SORCS1: variants seen among roughly 807,000 people sequenced by gnomAD.
SORCS1 encodes the protein VPS10 domain-containing receptor SorCS1.
Under a neutral mutation model 146.1 loss-of-function variants are expected in SORCS1, and 60 were observed. The ratio of observed to expected loss-of-function variants is 0.41; its 90% CI spans 0.33 to 0.51. The LOEUF (loss-of-function observed/expected upper bound fraction) is 0.51. SORCS1 is among the 20% of genes least tolerant of loss of function. The probability of loss-of-function intolerance (pLI) is 0.21; values close to 1 mark genes in which losing one functional copy is unlikely to be tolerated. For missense variants in SORCS1, 1,352 were observed against 1,487.6 expected (o/e 0.91, Z 1.50); for synonymous variants, 637 against 584.0 (o/e 1.09, Z -1.31).
chr10:106,790,733 G>A (rs1380196240), intron 3 of SORCS1, among the ~76,000 whole-genome samples: 2 of 152,168 alleles, frequency 1.3e-5, no homozygotes, highest in African/African-American at 4.8e-5. Context: ...AAAGAATGAA[G>A]ACAAAGAGTG....
At chr10:106,934,100 CA>C (rs57432764) in intron 2 of SORCS1, among the ~76,000 whole-genome samples, 5,569 of 97,836 alleles carry the variant, frequency 0.057, 138 homozygotes, top group African/African-American at 0.14. Context: ...TCTCAAAAAA[CA>C]AAAAAAAAAA....
At chr10:106,677,990 T>A (rs534020215) in intron 12 of SORCS1, among the ~76,000 whole-genome samples, 61 of 152,328 alleles carry the variant, frequency 4.0e-4, no homozygotes, top group Non-Finnish European at 7.5e-4. Flanking sequence ...TCTGTTGTCA[T>A]CTTTGGGTAC....
chr10:107,117,279 G>A lies in SORCS1; in HGVS notation c.558+46690C>T, dbSNP rs144782287. Among the ~76,000 whole-genome samples the A allele has an allele frequency of 4.6e-5, 7 of 152,320 alleles. No homozygotes were observed. The East Asian group carries it at 1.4e-3, about 29-fold the overall frequency. On this transcript the variant is annotated intron_variant, in intron 1 of 25. Coordinates refer to ENST00000263054, the MANE Select transcript of SORCS1 (RefSeq NM_052918.5). ...AAAAGTAATGAAGGAAAGCTATCAG[G>A]CTTTGTTGTTTTTGCAGCATGGGAC... is the stretch of plus-strand genomic sequence containing the variant.
intron 2 of SORCS1, among the ~76,000 whole-genome samples, chr10:106,911,846 C>G (rs116921133): frequency 6.6e-6 from 1 of 152,138 alleles, no homozygotes; most frequent in Non-Finnish European, 1.5e-5. Context: ...GGTGTGGTGG[C>G]TCACGCCTGT....
intron 18 of SORCS1, among the ~76,000 whole-genome samples, chr10:106,633,619 T>C (rs1848561183): frequency 6.6e-6 from 1 of 152,186 alleles, no homozygotes; most frequent in Admixed American, 6.5e-5. Context: ...ACTGGAAGTG[T>C]GTTGGAAAGC....
chr10:106,633,287 C>T (rs77101060), intron 18 of SORCS1, among the ~76,000 whole-genome samples: 10,338 of 152,032 alleles, frequency 0.068, 435 homozygotes, highest in East Asian at 0.2. Context: ...TATCTATAAC[C>T]TTGAATCTTT....
intron 5 of SORCS1, among the ~76,000 whole-genome samples, chr10:106,757,096 C>T (rs1858703890): frequency 6.6e-6 from 1 of 152,154 alleles, no homozygotes; most frequent in African/African-American, 2.4e-5. Flanking sequence ...GCTTTGGTAA[C>T]ATTATCAGAA....
chr10:106,829,386 A>T (rs1948441085), intron 3 of SORCS1, among the ~76,000 whole-genome samples, 188 bp downstream of exon 3: 1 of 152,152 alleles, frequency 6.6e-6, no homozygotes, highest in Non-Finnish European at 1.5e-5. Flanking sequence ...TCACCCTCTT[A>T]CATTCACAGC....
chr10:106,669,463 G>A (rs1181456121), intron 16 of SORCS1, among the ~76,000 whole-genome samples: 1 of 152,046 alleles, frequency 6.6e-6, no homozygotes, highest in African/African-American at 2.4e-5. Flanking sequence ...AATGTAAGAT[G>A]CTAACTTCCT....
chr10:107,110,412 G>A (rs1404860033), intron 1 of SORCS1, among the ~76,000 whole-genome samples: 5 of 152,094 alleles, frequency 3.3e-5, no homozygotes, highest in East Asian at 1.9e-4. Context: ...CCCAGCTTCC[G>A]GTGAAGCCTC....
intron 1 of SORCS1, among the ~76,000 whole-genome samples, chr10:106,967,301 T>G (rs1318093004): frequency 6.6e-6 from 1 of 152,176 alleles, no homozygotes; most frequent in East Asian, 1.9e-4. Context: ...CACTGCATAT[T>G]CTTCTTCCTC....
Position 107,110,607 on chromosome 10 carries a change from C to A in SORCS1, c.558+53362G>T, listed in dbSNP as rs537032982. The stretch of plus-strand genomic sequence containing the variant: ...GAGGGATCCACCCTCATAACCAAAA[C>A]CTCCCACCAACTCCCCCCACCCCCA... On this transcript the variant is annotated intron_variant, in intron 1 of 25. Coordinates refer to ENST00000263054, the MANE Select transcript of SORCS1 (RefSeq NM_052918.5). Among the ~76,000 whole-genome samples the A allele has an allele frequency of 5.5e-4, 84 of 152,168 alleles. No homozygotes were observed. In the South Asian group the frequency reaches 6.5e-3, roughly 12 times the overall value.
At chr10:106,771,742 A>G (rs1208834424) in intron 4 of SORCS1, among the ~76,000 whole-genome samples, 1 of 152,182 alleles carries the variant, frequency 6.6e-6, no homozygotes, top group Admixed American at 6.5e-5. Flanking sequence ...CAGAATCTCT[A>G]TAATTGTATC....
chr10:107,103,744 T>A (rs980341730), intron 1 of SORCS1, among the ~76,000 whole-genome samples: 1 of 152,190 alleles, frequency 6.6e-6, no homozygotes, highest in African/African-American at 2.4e-5. Flanking sequence ...GGCATTTACA[T>A]TTCAGTAGGA....
At chr10:106,964,707 CGATCTCCT>C (rs1389656375) in intron 1 of SORCS1, among the ~76,000 whole-genome samples, 1 of 151,946 alleles carries the variant, frequency 6.6e-6, no homozygotes, top group African/African-American at 2.4e-5. Flanking sequence ...AGGATAGTTT[CGATCTCCT>C]GACCTCCTTA....
intron 1 of SORCS1, among the ~76,000 whole-genome samples, chr10:107,016,609 T>C (rs1957908923): frequency 6.6e-6 from 1 of 152,212 alleles, no homozygotes; most frequent in South Asian, 2.1e-4. Flanking sequence ...CTTTGTGACC[T>C]TGGAGTAAAC....
intron 2 of SORCS1, among the ~76,000 whole-genome samples, chr10:106,892,087 G>A (rs1951259492): frequency 6.6e-6 from 1 of 152,180 alleles, no homozygotes; most frequent in Non-Finnish European, 1.5e-5. Flanking sequence ...ATGTCTCAGA[G>A]CAAAGGTTCC....
intron 3 of SORCS1, among the ~76,000 whole-genome samples, chr10:106,827,285 T>C (rs968535453): frequency 7.2e-5 from 11 of 152,000 alleles, no homozygotes; most frequent in Admixed American, 7.2e-4. Context: ...TGAGGTCTCT[T>C]CCAGGCATAA....
chr10:106,756,621 A>T (rs913203542), intron 5 of SORCS1, among the ~76,000 whole-genome samples: 1 of 152,202 alleles, frequency 6.6e-6, no homozygotes, highest in Non-Finnish European at 1.5e-5. Flanking sequence ...TGTCCTATAT[A>T]TGTAAGTCAG....
Sources: allele counts gnomAD v4.1 joint callset (sites outside exome capture counted in the v4.1 genomes callset), GRCh38; gene constraint gnomAD v4.1.1; transcripts MANE v1.5; gene names NCBI Gene and HGNC (gene_info 2026-07-23, HGNC 2026-07-21).